The following FGGY variants were observed in gnomAD, a reference collection of about 807,000 sequenced individuals.
FGGY encodes FGGY carbohydrate kinase domain-containing protein.
Under a neutral mutation model 71.3 loss-of-function variants are expected in FGGY, and 72 were observed. The observed-to-expected ratio is 1.01, with a 90% CI of 0.84 to 1.23. FGGY has a LOEUF of 1.23. FGGY is among the 50% of genes most tolerant of loss of function. FGGY has a pLI of 0.00. For synonymous variants in FGGY, 251 were observed against 250.3 expected, an observed-to-expected ratio of 1.00 and a Z score of -0.02; for missense variants, 668 against 682.3, an observed-to-expected ratio of 0.98 and a Z score of 0.23.
intron 11 of FGGY, among the ~76,000 whole-genome samples, chr1:59,651,359 G>A (rs1015975807): frequency 6.6e-6 from 1 of 150,386 alleles, no homozygotes; most frequent in South Asian, 2.1e-4. Context: ...GGGTGTTAAA[G>A]TCTCCCATTA....
chr1:59,448,273 G>A (rs149551595), intron 5 of FGGY, among the ~76,000 whole-genome samples: 18 of 152,260 alleles, frequency 1.2e-4, no homozygotes, highest in Non-Finnish European at 2.5e-4. Flanking sequence ...AGTTCAACAC[G>A]TGTAGTCAAT....
At chr1:59,299,004 A>G (rs144661051) in intron 1 of FGGY, among the ~76,000 whole-genome samples, 2 of 152,336 alleles carry the variant, frequency 1.3e-5, no homozygotes, top group East Asian at 1.9e-4. Context: ...GTTTGCTTCA[A>G]TCCACTTTGA....
intron 8 of FGGY, among the ~76,000 whole-genome samples, chr1:59,586,460 G>A (rs1158754613): frequency 6.6e-6 from 1 of 151,914 alleles, no homozygotes; most frequent in Non-Finnish European, 1.5e-5. Context: ...TGAACAATGA[G>A]AACACATGGA....
intron 7 of FGGY, among the ~76,000 whole-genome samples, chr1:59,535,142 C>T (rs1268554268): frequency 6.6e-6 from 1 of 152,080 alleles, no homozygotes; most frequent in East Asian, 1.9e-4. Flanking sequence ...GGAAGATCTA[C>T]CTAGCAAATG....
At chr1:59,635,350 T>C (rs567614092) in intron 10 of FGGY, among the ~76,000 whole-genome samples, 1 of 152,250 alleles carries the variant, frequency 6.6e-6, no homozygotes, top group Non-Finnish European at 1.5e-5. Context: ...CCCTCAGGGA[T>C]CTCATTAGTG....
chr1:59,337,017 A>G (rs1040299721), intron 2 of FGGY, among the ~76,000 whole-genome samples: 1 of 145,992 alleles, frequency 6.8e-6, no homozygotes, highest in South Asian at 2.1e-4. Flanking sequence ...ATATGTATAT[A>G]TTCATATATA....
At chr1:59,609,128 C>T (rs531231774) in intron 9 of FGGY, among the ~76,000 whole-genome samples, 1 of 152,168 alleles carries the variant, frequency 6.6e-6, no homozygotes, top group East Asian at 1.9e-4. Context: ...TGGTAGGAAA[C>T]TTGTATGGGA....
At chr1:59,537,723 C>A (rs564211742) in intron 7 of FGGY, among the ~76,000 whole-genome samples, 9 of 151,844 alleles carry the variant, frequency 5.9e-5, no homozygotes, top group Non-Finnish European at 1.2e-4. Context: ...CTTTGACAAA[C>A]CTGAGAAAAA....
chr1:59,511,250 C>T (rs1038547900), intron 6 of FGGY, among the ~76,000 whole-genome samples: 3 of 152,192 alleles, frequency 2.0e-5, no homozygotes, highest in African/African-American at 7.2e-5. Context: ...CCTCCACCCT[C>T]ACCTCTACCC....
rs1278418086 is a variant in FGGY, at chr1:59,762,598, G to T, written c.*14G>T. The T allele has an allele frequency of 6.7e-5, 108 of 1,607,710 alleles. No homozygotes were observed. Among genetic ancestry groups the T allele is most frequent in the Non-Finnish European group, 9.0e-5 (106 of 1,175,332 alleles). The stretch of plus-strand genomic sequence containing the variant: ...AATGATGACTGAACAGGGCTTGCAG[G>T]TGCTGATGCCAGAAGCTTCTGTGCC... On this transcript the variant is annotated 3_prime_UTR_variant, in exon 16 of 16. Transcript: ENST00000303721.
At chr1:59,636,815 G>A (rs921516208) in intron 10 of FGGY, among the ~76,000 whole-genome samples, 1 of 152,148 alleles carries the variant, frequency 6.6e-6, no homozygotes, top group African/African-American at 2.4e-5. Context: ...AAATCACTGA[G>A]CCTTCCTTCT....
chr1:59,403,726 AAC>A (rs2062316478), intron 5 of FGGY, among the ~76,000 whole-genome samples: 1 of 152,134 alleles, frequency 6.6e-6, no homozygotes, highest in South Asian at 2.1e-4. Flanking sequence ...TAGAGAAGAG[AAC>A]ACAAAGTCCT....
intron 1 of FGGY, among the ~76,000 whole-genome samples, chr1:59,303,499 C>T (rs1331283546): frequency 6.6e-6 from 1 of 152,034 alleles, no homozygotes; most frequent in Non-Finnish European, 1.5e-5. Flanking sequence ...ATCCATTCAC[C>T]CATCTGTGGA....
intron 14 of FGGY, among the ~76,000 whole-genome samples, chr1:59,741,509 C>T (rs1312878207): frequency 6.6e-6 from 1 of 152,158 alleles, no homozygotes; most frequent in African/African-American, 2.4e-5. Context: ...CCAATTAAAC[C>T]TCTTTTCTTC....
intron 7 of FGGY, among the ~76,000 whole-genome samples, chr1:59,530,195 G>GA (rs1273197371): frequency 1.3e-5 from 2 of 152,186 alleles, no homozygotes; most frequent in East Asian, 3.9e-4. Flanking sequence ...CCAAAGCTGA[G>GA]AAAACACTTG....
intron 14 of FGGY, among the ~76,000 whole-genome samples, chr1:59,734,273 A>T (rs1168327546): frequency 6.6e-6 from 1 of 152,172 alleles, no homozygotes; most frequent in Non-Finnish European, 1.5e-5. Flanking sequence ...GTACCATAAC[A>T]GCTCACTGCA....
intron 5 of FGGY, among the ~76,000 whole-genome samples, chr1:59,413,789 C>G (rs530833891): frequency 6.6e-6 from 1 of 152,062 alleles, no homozygotes; most frequent in Non-Finnish European, 1.5e-5. Flanking sequence ...GGCAAAACCC[C>G]GTCTCTACAA....
intron 4 of FGGY, among the ~76,000 whole-genome samples, chr1:59,368,043 G>T (rs1223680470): frequency 6.6e-6 from 1 of 152,084 alleles, no homozygotes; most frequent in Non-Finnish European, 1.5e-5. Context: ...TTCTTGAAAA[G>T]ACTAGTTTTT....
intron 11 of FGGY, among the ~76,000 whole-genome samples, chr1:59,645,340 A>G (rs2153905189): frequency 6.6e-6 from 1 of 152,262 alleles, no homozygotes; most frequent in African/African-American, 2.4e-5. Flanking sequence ...CTTTACTTGC[A>G]TCTTTACGAG....
Sources: gnomAD v4.1 joint callset for allele counts (sites outside exome capture counted in the v4.1 genomes callset) on GRCh38, gnomAD v4.1.1 for gene constraint, MANE v1.5 for transcripts, NCBI Gene and HGNC (gene_info 2026-07-23, HGNC 2026-07-21) for gene names.